LRRC37A2: variants seen among roughly 807,000 people sequenced by gnomAD.
The protein encoded by LRRC37A2 is leucine rich repeat containing 37 member A2.
Under a neutral mutation model 68.8 loss-of-function variants are expected in LRRC37A2, and 9 were observed. The observed-to-expected ratio is 0.13, with a 90% CI of 0.08 to 0.23. The LOEUF is 0.23. Among genes scored for constraint, LRRC37A2 ranks in the 10% least tolerant of loss-of-function variants. The probability of loss-of-function intolerance (pLI) is 1.00; values close to 1 mark genes in which losing one functional copy is unlikely to be tolerated. For synonymous variants in LRRC37A2, 63 were observed against 367.6 expected (o/e 0.17, Z 9.48); for missense variants, 168 against 950.4 (o/e 0.18, Z 10.82).
At chr17:46,803,110 T>C in the LRRC37A2 span, among the ~76,000 whole-genome samples, 2 of 152,230 alleles carry the variant, frequency 1.3e-5, no homozygotes, top group African/African-American at 2.4e-5. Flanking sequence ...CGCTGGCTGA[T>C]GTCTGCCGCA....
the LRRC37A2 span, among the ~76,000 whole-genome samples, chr17:46,861,843 G>C: frequency 2.0e-5 from 3 of 152,198 alleles, no homozygotes; most frequent in East Asian, 5.8e-4. Context: ...GCCAGATGCT[G>C]TCAGAATTCA....
chr17:46,735,365 G>T, the LRRC37A2 span, among the ~76,000 whole-genome samples: 1 of 151,750 alleles, frequency 6.6e-6, no homozygotes, highest in African/African-American at 2.4e-5. Flanking sequence ...ATTAGCTTTT[G>T]AAAGGTGGGG....
At chr17:47,037,173 C>G in the LRRC37A2 span, among the ~76,000 whole-genome samples, 1 of 149,680 alleles carries the variant, frequency 6.7e-6, no homozygotes, top group Non-Finnish European at 1.5e-5. Context: ...ACCTGTAATC[C>G]CAGCTACTCA....
the LRRC37A2 span, among the ~76,000 whole-genome samples, chr17:46,688,274 G>A: frequency 6.6e-6 from 1 of 151,104 alleles, no homozygotes; most frequent in Non-Finnish European, 1.5e-5. Flanking sequence ...ACTTTGGGAA[G>A]CCAAGGTGGG....
the LRRC37A2 span, among the ~76,000 whole-genome samples, chr17:46,859,441 A>G: frequency 6.6e-6 from 1 of 152,198 alleles, no homozygotes; most frequent in Non-Finnish European, 1.5e-5. Flanking sequence ...TTGCTCATCA[A>G]TTGATTCAAT....
At chr17:46,741,645 A>C in the LRRC37A2 span, among the ~76,000 whole-genome samples, 4 of 152,174 alleles carry the variant, frequency 2.6e-5, no homozygotes, top group Non-Finnish European at 1.5e-5. Flanking sequence ...TCAGAAATGC[A>C]TGCAAAGAGG....
the LRRC37A2 span, among the ~76,000 whole-genome samples, chr17:47,033,067 A>G: frequency 2.0e-5 from 3 of 151,876 alleles, no homozygotes; most frequent in African/African-American, 4.8e-5. Flanking sequence ...AAATACAAAA[A>G]TTAACCAGGC....
the LRRC37A2 span, among the ~76,000 whole-genome samples, chr17:46,943,761 C>T: frequency 6.6e-6 from 1 of 152,360 alleles, no homozygotes; most frequent in Non-Finnish European, 1.5e-5. Context: ...CTCACAGGGC[C>T]TCAACAACAG....
chr17:46,488,516 C>T, the LRRC37A2 span, among the ~76,000 whole-genome samples: 1 of 70,022 alleles, frequency 1.4e-5, no homozygotes, highest in Non-Finnish European at 2.9e-5. Flanking sequence ...ACCAGCCTGA[C>T]CAACATGGTG....
At chr17:46,728,984 A>T in the LRRC37A2 span, 2 of 1,110,582 alleles carry the variant, frequency 1.8e-6, no homozygotes. Context: ...GTTTTTCAGT[A>T]AATCGCATAT....
chr17:46,780,970 G>A, the LRRC37A2 span, among the ~76,000 whole-genome samples: 3 of 151,796 alleles, frequency 2.0e-5, no homozygotes, highest in Admixed American at 6.6e-5. Context: ...GTGTGGTGGC[G>A]GTAATGCCAG....
chr17:46,865,223 G>A, the LRRC37A2 span, among the ~76,000 whole-genome samples: 1 of 152,172 alleles, frequency 6.6e-6, no homozygotes, highest in Admixed American at 6.5e-5. Flanking sequence ...TCTAAATGCC[G>A]GGGATTGTTG....
chr17:46,934,495 C>G, the LRRC37A2 span, among the ~76,000 whole-genome samples: 2 of 152,184 alleles, frequency 1.3e-5, no homozygotes, highest in African/African-American at 2.4e-5. Context: ...GCACTCCACC[C>G]TGGGTGACAG....
the LRRC37A2 span, among the ~76,000 whole-genome samples, chr17:46,442,007 G>A: frequency 2.4e-5 from 2 of 85,100 alleles, no homozygotes; most frequent in Non-Finnish European, 3.3e-5. Context: ...CTAGAACTGC[G>A]GCTACAATAT....
At chr17:46,943,546 A>G in the LRRC37A2 span, among the ~76,000 whole-genome samples, 2 of 152,134 alleles carry the variant, frequency 1.3e-5, no homozygotes, top group African/African-American at 4.8e-5. Flanking sequence ...ACAACCTCAT[A>G]CTGCACGCTT....
chr17:46,769,719 G>A, the LRRC37A2 span: 1 of 1,592,406 alleles, frequency 6.3e-7, no homozygotes, highest in Admixed American at 1.7e-5. Flanking sequence ...GGGGGCCAGG[G>A]CAGCTCCGGA....
intron 6 of LRRC37A2, among the ~76,000 whole-genome samples, chr17:46,533,694 G>T (rs1368059842): frequency 1.3e-5 from 1 of 78,734 alleles, no homozygotes; most frequent in African/African-American, 9.0e-5. Context: ...TAGAGACAGG[G>T]TTTCACCATG....
At chr17:46,956,191 A>C in the LRRC37A2 span, among the ~76,000 whole-genome samples, 1 of 151,970 alleles carries the variant, frequency 6.6e-6, no homozygotes, top group Non-Finnish European at 1.5e-5. Context: ...TTATTCAACA[A>C]CACTTGCAAG....
the LRRC37A2 span, among the ~76,000 whole-genome samples, chr17:46,854,047 G>T: frequency 1.3e-5 from 2 of 152,120 alleles, no homozygotes; most frequent in Admixed American, 1.3e-4. Context: ...CAGGTCAGGA[G>T]CCCAGCTGGA....
Sources: gnomAD v4.1 joint callset for allele counts (sites outside exome capture counted in the v4.1 genomes callset) on GRCh38, gnomAD v4.1.1 for gene constraint, MANE v1.5 for transcripts, NCBI Gene and HGNC (gene_info 2026-07-23, HGNC 2026-07-21) for gene names.